Variants in CDH8 observed in about 807,000 individuals in gnomAD.
CDH8 encodes cadherin 8.
CDH8 carries 17 observed loss-of-function variants against 68.1 expected under a neutral mutation model. The ratio of observed to expected loss-of-function variants is 0.25; its 90% CI spans 0.17 to 0.37. The LOEUF is 0.37. Among genes scored for constraint, CDH8 ranks in the 10% least tolerant of loss-of-function variants. CDH8 has a pLI of 1.00. For synonymous variants in CDH8, 372 were observed against 365.1 expected, an observed-to-expected ratio of 1.02 and a Z score of -0.21; for missense variants, 763 against 999.3, an observed-to-expected ratio of 0.76 and a Z score of 3.19.
At chr16:61,724,674 G>A (rs768900648) in intron 9 of CDH8, among the ~76,000 whole-genome samples, 11 of 150,710 alleles carry the variant, frequency 7.3e-5, no homozygotes, top group Non-Finnish European at 1.3e-4. Flanking sequence ...CAAAAATATT[G>A]AGAAAGCTAT....
At chr16:61,727,288 A>C in intron 8 of CDH8, 73 bp from the exon 9 acceptor site, 6 of 1,453,618 alleles carry the variant, frequency 4.1e-6, no homozygotes, top group Non-Finnish European at 5.6e-6. Flanking sequence ...TTCTCTTGAA[A>C]GCATGTGTGT....
chr16:61,883,998 T>A (rs1348115861), intron 3 of CDH8, among the ~76,000 whole-genome samples: 1 of 151,984 alleles, frequency 6.6e-6, no homozygotes, highest in Non-Finnish European at 1.5e-5. Context: ...AGTGAATTTC[T>A]GTTAGAAAAA....
At chr16:61,698,790 T>C (rs937295211) in intron 10 of CDH8, among the ~76,000 whole-genome samples, 2 of 152,176 alleles carry the variant, frequency 1.3e-5, no homozygotes, top group Admixed American at 1.3e-4. Context: ...TTCTCCGATA[T>C]CTTTCTTTGG....
chr16:62,010,441 C>T (rs1241788745), intron 2 of CDH8, among the ~76,000 whole-genome samples: 2 of 152,084 alleles, frequency 1.3e-5, no homozygotes, highest in Admixed American at 6.6e-5. Flanking sequence ...GGCTTCATCA[C>T]GTAATCACTA....
intron 6 of CDH8, among the ~76,000 whole-genome samples, chr16:61,819,867 G>A (rs1291435324): frequency 8.5e-5 from 13 of 152,050 alleles, no homozygotes; most frequent in Admixed American, 8.5e-4. Flanking sequence ...CCATTTAAAA[G>A]CTAGTTTGAT....
At chr16:61,960,504 T>C (rs1216678278) in intron 2 of CDH8, among the ~76,000 whole-genome samples, 4 of 152,040 alleles carry the variant, frequency 2.6e-5, no homozygotes, top group African/African-American at 9.7e-5. Flanking sequence ...GTCTGTCACA[T>C]TGCCATCACT....
At chr16:62,002,309 T>A (rs1965906142) in intron 2 of CDH8, among the ~76,000 whole-genome samples, 1 of 152,222 alleles carries the variant, frequency 6.6e-6, no homozygotes, top group Non-Finnish European at 1.5e-5. Context: ...TCAACTTTTT[T>A]ATAAGAGACT....
intron 10 of CDH8, among the ~76,000 whole-genome samples, chr16:61,658,054 T>G (rs1319698767): frequency 6.6e-6 from 1 of 152,114 alleles, no homozygotes; most frequent in Non-Finnish European, 1.5e-5. Context: ...CCAGGCAACA[T>G]CAATTCCTTT....
At chr16:61,890,988 T>C (rs1963765538) in intron 3 of CDH8, among the ~76,000 whole-genome samples, 2 of 152,126 alleles carry the variant, frequency 1.3e-5, no homozygotes, top group South Asian at 4.1e-4. Context: ...TTAACTGTTT[T>C]CAAAATGACT....
chr16:61,907,690 A>AG (rs1465155848), intron 2 of CDH8, among the ~76,000 whole-genome samples: 2 of 151,654 alleles, frequency 1.3e-5, no homozygotes, highest in African/African-American at 4.8e-5. Context: ...AAAAAAAAAA[A>AG]AAGTTAAGTA....
At chr16:61,781,805 G>T (rs1203429793) in intron 8 of CDH8, among the ~76,000 whole-genome samples, 1 of 152,156 alleles carries the variant, frequency 6.6e-6, no homozygotes, top group East Asian at 1.9e-4. Flanking sequence ...AAAAAATTAT[G>T]TTTACATCTT....
intron 8 of CDH8, 140 bp downstream of exon 8, chr16:61,789,206 T>G (rs781080992): frequency 1.5e-6 from 1 of 673,602 alleles, no homozygotes; most frequent in Non-Finnish European, 2.4e-6. Context: ...AGATGATACA[T>G]TCAAAGGCTC....
In CDH8 at chr16:61,889,601, CT is replaced by C. The variant is rs200724589; in HGVS notation, c.547+11577del. Reference sequence around the variant, plus strand: ...CCTGACATGCAGTTAATTCATTTCTCTGACCAGCAAATGCGGACAAAGGCTG... The same window carrying C: ...CCTGACATGCAGTTAATTCATTTCTCGACCAGCAAATGCGGACAAAGGCTG... On this transcript the variant is annotated intron_variant, in intron 3 of 11. Transcript: ENST00000577390. 9.0e-3 allele frequency among the ~76,000 whole-genome samples: 1,366 copies of C among 152,284 alleles called. 21 individuals are homozygous for C. The highest frequency in any genetic ancestry group is 0.03 in the African/African-American group (1,265 of 41,566).
At chr16:61,669,496 T>C (rs1377229588) in intron 10 of CDH8, among the ~76,000 whole-genome samples, 13 of 152,086 alleles carry the variant, frequency 8.5e-5, no homozygotes, top group Non-Finnish European at 4.4e-5. Flanking sequence ...GAAATCTCTA[T>C]GGTAAGATTT....
intron 10 of CDH8, among the ~76,000 whole-genome samples, chr16:61,688,543 C>G (rs16963822): frequency 0.2 from 30,146 of 151,730 alleles, 3,537 homozygotes; most frequent in African/African-American, 0.33. Flanking sequence ...TTACTGTCTA[C>G]AATAATCCCA....
intron 3 of CDH8, among the ~76,000 whole-genome samples, chr16:61,889,359 T>C (rs951907940): frequency 1.3e-5 from 2 of 152,028 alleles, no homozygotes; most frequent in African/African-American, 4.8e-5. Flanking sequence ...GTCCAGTGAA[T>C]CCAGAAAGTA....
chr16:61,681,751 A>T (rs1002451682), intron 10 of CDH8, among the ~76,000 whole-genome samples: 1 of 151,974 alleles, frequency 6.6e-6, no homozygotes, highest in Non-Finnish European at 1.5e-5. Context: ...GCATTCACAT[A>T]GGAAAGCAGC....
At chr16:61,938,038 G>A (rs955967055) in intron 2 of CDH8, 6 of 152,040 alleles carry the variant, frequency 3.9e-5, no homozygotes, top group African/African-American at 1.4e-4. Context: ...AGAGACAAAT[G>A]GTATAATTCA....
chr16:62,020,369 G>A (rs537047705), intron 2 of CDH8, among the ~76,000 whole-genome samples: 19 of 152,248 alleles, frequency 1.2e-4, no homozygotes, highest in African/African-American at 3.6e-4. Flanking sequence ...GAATAAACAC[G>A]TGTAGTCTCC....
Sources: allele counts gnomAD v4.1 joint callset (sites outside exome capture counted in the v4.1 genomes callset), GRCh38; gene constraint gnomAD v4.1.1; transcripts MANE v1.5; gene names NCBI Gene and HGNC (gene_info 2026-07-23, HGNC 2026-07-21).